The following VPS13B variants were observed in gnomAD, a reference collection of about 807,000 sequenced individuals.
The protein encoded by VPS13B is intermembrane lipid transfer protein VPS13B.
Under a neutral mutation model 426.4 loss-of-function variants are expected in VPS13B, and 285 were observed. The ratio of observed to expected loss-of-function variants is 0.67; its 90% confidence interval spans 0.61 to 0.74. The LOEUF is 0.74. Among genes scored for constraint, VPS13B ranks in the 30% least tolerant of loss-of-function variants. The pLI is 0.00. For missense variants in VPS13B, 4,537 were observed against 4,782.6 expected, an observed-to-expected ratio of 0.95 and a Z score of 1.51; for synonymous variants, 1,676 against 1,676.4, an observed-to-expected ratio of 1.00 and a Z score of 0.01.
intron 25 of VPS13B, among the ~76,000 whole-genome samples, chr8:99,497,333 CATAAAATACATATATACAT>C (rs1820979202): frequency 1.4e-5 from 2 of 142,874 alleles, no homozygotes; most frequent in Non-Finnish European, 1.5e-5. Flanking sequence ...TTTATATACA[CATAAAATACATATATACAT>C]AAAATAATAT....
chr8:99,199,898 T>A (rs1041385319), intron 17 of VPS13B, among the ~76,000 whole-genome samples: 1 of 152,158 alleles, frequency 6.6e-6, no homozygotes, highest in Non-Finnish European at 1.5e-5. Context: ...TATATAAAAT[T>A]TTTGTACCAC....
intron 39 of VPS13B, among the ~76,000 whole-genome samples, chr8:99,726,538 T>C (rs962051401): frequency 1.3e-5 from 2 of 152,232 alleles, no homozygotes; most frequent in African/African-American, 4.8e-5. Flanking sequence ...TTAATTCCTA[T>C]ACAGATCTGT....
chr8:99,416,404 G>T (rs1816006995), intron 21 of VPS13B, among the ~76,000 whole-genome samples: 1 of 152,046 alleles, frequency 6.6e-6, no homozygotes, highest in African/African-American at 2.4e-5. Flanking sequence ...CCTGACTTCA[G>T]TCCCCTTTCC....
Position 99,136,742 on chromosome 8 carries a change from T to C in VPS13B, c.1641T>C (p.Thr547=), listed in dbSNP as rs750517242. Residue 547 remains threonine (T), a synonymous_variant, in exon 12 of 62, where the codon ACT becomes ACC. Transcript: ENST00000357162. ...YMDYLYTMEN[T]SGKGSTNQQD... ...ATTACCTGTATACAATGGAGAACAC[T>C]AGTGGCAAAGGTATTGGCTTCTTTC... 6.2e-7 allele frequency: 1 copy of C among 1,613,516 alleles called. No homozygotes were observed. Among genetic ancestry groups the C allele is most frequent in the Non-Finnish European group, 8.5e-7 (1 of 1,179,586 alleles).
At chr8:99,528,974 TC>T (rs1822785088) in intron 30 of VPS13B, among the ~76,000 whole-genome samples, 1 of 152,010 alleles carries the variant, frequency 6.6e-6, no homozygotes, top group African/African-American at 2.4e-5. Context: ...GATTTAGTCT[TC>T]TGATTATGAA....
At chr8:99,134,569 TA>T in intron 8 of VPS13B, 62 bp from the exon 9 acceptor site, 2 of 1,307,066 alleles carry the variant, frequency 1.5e-6, no homozygotes, top group Non-Finnish European at 2.2e-6. Context: ...TTAATCATCA[TA>T]ATGACAATTT....
At chr8:99,292,891 T>A (rs1307107676) in intron 19 of VPS13B, among the ~76,000 whole-genome samples, 2 of 152,176 alleles carry the variant, frequency 1.3e-5, no homozygotes, top group African/African-American at 2.4e-5. Flanking sequence ...AACTAATTAT[T>A]TGTGCTTCTT....
intron 36 of VPS13B, among the ~76,000 whole-genome samples, chr8:99,710,989 G>A (rs546743874): frequency 8.5e-4 from 129 of 152,242 alleles, no homozygotes; most frequent in African/African-American, 2.9e-3. Flanking sequence ...GGGCGACAGA[G>A]TGAGACTCTG....
intron 39 of VPS13B, among the ~76,000 whole-genome samples, chr8:99,745,431 C>T (rs1302237496): frequency 6.6e-6 from 1 of 152,022 alleles, no homozygotes; most frequent in African/African-American, 2.4e-5. Context: ...GTTTCATTTA[C>T]CCATAGGTGA....
intron 39 of VPS13B, among the ~76,000 whole-genome samples, chr8:99,723,230 T>C (rs1833202742): frequency 6.6e-6 from 1 of 152,218 alleles, no homozygotes; most frequent in African/African-American, 2.4e-5. Flanking sequence ...AATGTGATGA[T>C]TGTAAGAATC....
chr8:99,668,282 T>G (rs1788152), intron 35 of VPS13B, among the ~76,000 whole-genome samples: 31,829 of 150,564 alleles, frequency 0.21, 4,004 homozygotes, highest in East Asian at 0.45. Context: ...CTTGAGCCCA[T>G]GAGGTCAAGG....
In VPS13B at chr8:99,657,470, T is replaced by TTGTGTGTGTGTGTGTGTGTG. The variant is rs34355540; in HGVS notation, c.5909-3878_5909-3859dup. ...TGATCATTCAGCAGTACTTTAAAAA[T>TTGTGTGTGTGTGTGTGTGTG]TGTGTGTGTGTGTGTGTGTGTGTGT... On this transcript the variant is annotated intron_variant, in intron 34 of 61. Transcript: ENST00000357162. Among the ~76,000 whole-genome samples, 295 of 147,004 alleles carry TTGTGTGTGTGTGTGTGTGTG rather than the reference T, an allele frequency of 2.0e-3. 2 individuals are homozygous for TTGTGTGTGTGTGTGTGTGTG. The highest frequency in any genetic ancestry group is 3.5e-3 in the South Asian group (16 of 4,556).
At chr8:99,831,784 A>T (rs989457024) in intron 51 of VPS13B, among the ~76,000 whole-genome samples, 1 of 152,224 alleles carries the variant, frequency 6.6e-6, no homozygotes, top group African/African-American at 2.4e-5. Flanking sequence ...ATACTGTAGG[A>T]TGGCACGGTT....
chr8:99,373,847 A>C (rs1410919458), intron 19 of VPS13B, among the ~76,000 whole-genome samples: 2 of 152,212 alleles, frequency 1.3e-5, no homozygotes, highest in East Asian at 3.8e-4. Flanking sequence ...GCTTCAAAAA[A>C]GTAACAAAAG....
At chr8:99,768,674 T>C (rs1024402549) in intron 40 of VPS13B, among the ~76,000 whole-genome samples, 1 of 152,230 alleles carries the variant, frequency 6.6e-6, no homozygotes, top group African/African-American at 2.4e-5. Context: ...TTTGGGCTCT[T>C]TAAAAATATT....
intron 39 of VPS13B, among the ~76,000 whole-genome samples, chr8:99,754,001 G>C (rs1235841653): frequency 2.6e-5 from 4 of 151,364 alleles, no homozygotes; most frequent in Non-Finnish European, 4.4e-5. Flanking sequence ...TTTCCCAAGA[G>C]TAGATCACAT....
chr8:99,607,038 A>G (rs549256908), intron 33 of VPS13B, among the ~76,000 whole-genome samples: 9 of 152,184 alleles, frequency 5.9e-5, no homozygotes, highest in Non-Finnish European at 1.3e-4. Context: ...TATAACCTTA[A>G]TCACTCTGCA....
chr8:99,043,468 T>C (rs1436835708), intron 3 of VPS13B, among the ~76,000 whole-genome samples: 2 of 152,308 alleles, frequency 1.3e-5, no homozygotes, highest in South Asian at 2.1e-4. Flanking sequence ...GTCACTGTTA[T>C]TGGTGAGGTC....
At chr8:99,635,000 T>C (rs1829012296) in intron 33 of VPS13B, among the ~76,000 whole-genome samples, 1 of 151,784 alleles carries the variant, frequency 6.6e-6, no homozygotes, top group African/African-American at 2.4e-5. Context: ...CCAGTGTAGA[T>C]TATCTCTGTT....
Sources: gnomAD v4.1 joint callset for allele counts (sites outside exome capture counted in the v4.1 genomes callset) on GRCh38, gnomAD v4.1.1 for gene constraint, MANE v1.5 for transcripts, NCBI Gene and HGNC (gene_info 2026-07-23, HGNC 2026-07-21) for gene names.